Variants in WLS observed in about 807,000 individuals in gnomAD.
The protein encoded by WLS is Wnt ligand secretion mediator, also known as protein wntless homolog.
A neutral mutation model predicts 62.8 loss-of-function variants in WLS; 23 were observed. The observed-to-expected ratio is 0.37, with a 90% confidence interval of 0.26 to 0.52. The LOEUF (loss-of-function observed/expected upper bound fraction) is 0.52. Among genes scored for constraint, WLS ranks in the 20% least tolerant of loss-of-function variants. The pLI, the probability that WLS is intolerant of heterozygous loss-of-function variation, is 0.92. For synonymous variants in WLS, 246 were observed against 244.1 expected, an observed-to-expected ratio of 1.01 and a Z score of -0.07; for missense variants, 615 against 697.3, an observed-to-expected ratio of 0.88 and a Z score of 1.33.
At chr1:68,175,855 C>T (rs553955991) in intron 2 of WLS, among the ~76,000 whole-genome samples, 7 of 152,320 alleles carry the variant, frequency 4.6e-5, no homozygotes, top group Admixed American at 2.6e-4. Flanking sequence ...AATGGTAACA[C>T]CCCTAACCCG....
chr1:68,104,276 TGA>T (rs1451847165), intron 11 of WLS, among the ~76,000 whole-genome samples: 1 of 152,174 alleles, frequency 6.6e-6, no homozygotes, highest in African/African-American at 2.4e-5. Flanking sequence ...AAAATGGTTC[TGA>T]GAATCATCAC....
In WLS at chr1:68,126,272, C is replaced by G; in HGVS notation, c.1580G>C (p.Gly527Ala). 6.2e-7 allele frequency: 1 copy of G among 1,612,966 alleles called. No individual in the cohort carries two copies. Among genetic ancestry groups the G allele is most frequent in the Non-Finnish European group, 8.5e-7 (1 of 1,179,660 alleles). The change falls in exon 12 of 12, where the codon GGA (glycine) becomes GCA (alanine). Residue 527 changes from glycine to alanine, a missense_variant. Coordinates refer to ENST00000262348, the MANE Select transcript of WLS (RefSeq NM_024911.7). ...QLTTTITHVD[G>A]PTEIYKLTRK... ...GGTCAACTTGTAGATCTCAGTGGGT[C>G]CGTCCACATGGGTGATAGTGGTGGT... is the stretch of plus-strand genomic sequence containing the variant.
intron 11 of WLS, chr1:68,127,163 C>T (rs186778609): frequency 3.1e-6 from 1 of 325,784 alleles, no homozygotes; most frequent in Non-Finnish European, 6.2e-6. Flanking sequence ...CCACTCACTC[C>T]AGCCTGGGTG....
chr1:68,120,694 CTG>C (rs746624063), downstream of WLS, among the ~76,000 whole-genome samples: 61 of 150,686 alleles, frequency 4.0e-4, 1 homozygote, highest in African/African-American at 1.1e-3. Flanking sequence ...CTGTTAAGTT[CTG>C]TGTGTGTGTG....
At chr1:68,231,928 A>G (rs571122168) in intron 1 of WLS, 3 of 494,296 alleles carry the variant, frequency 6.1e-6, no homozygotes, top group African/African-American at 5.9e-5. Flanking sequence ...GCCATGCTTA[A>G]GATTCCCACC....
At position 68,125,362 on chromosome 1, in the gene WLS, A is replaced by G; in HGVS notation, c.*864T>C. 1.0e-6 allele frequency: 1 copy of G among 985,434 alleles called. No individual in the cohort carries two copies. The highest frequency in any genetic ancestry group is 1.2e-6 in the Non-Finnish European group (1 of 829,944). 61.0% of individuals were successfully genotyped at this position (985,434 alleles called of 1,614,324 possible). ...AAAATAATCTGCACGCATGTGTATG[A>G]GTTTTAGCAGGAGGGGATATGCATG... On this transcript the variant is annotated 3_prime_UTR_variant, in exon 12 of 12. Transcript: ENST00000262348.
intron 1 of WLS, among the ~76,000 whole-genome samples, chr1:68,211,628 T>C (rs1649520675): frequency 6.6e-6 from 1 of 152,226 alleles, no homozygotes; most frequent in Non-Finnish European, 1.5e-5. Context: ...TTCCATTCAG[T>C]GATTGTTCTA....
At chr1:68,115,673 C>T (rs762634653) in intron 11 of WLS, among the ~76,000 whole-genome samples, 17 of 152,100 alleles carry the variant, frequency 1.1e-4, no homozygotes, top group Non-Finnish European at 2.4e-4. Context: ...GTTGCTTGGA[C>T]ATTTGTTATG....
intron 1 of WLS, among the ~76,000 whole-genome samples, chr1:68,228,774 T>G (rs1306909837): frequency 7.0e-6 from 1 of 142,554 alleles, no homozygotes; most frequent in African/African-American, 2.6e-5. Context: ...AGTTCTACTA[T>G]GTAAGATGTT....
At chr1:68,210,506 C>A (rs191443990) in intron 1 of WLS, among the ~76,000 whole-genome samples, 2 of 152,258 alleles carry the variant, frequency 1.3e-5, no homozygotes, top group East Asian at 3.9e-4. Context: ...TCGTAATGTT[C>A]CAACTGGATT....
intron 6 of WLS, among the ~76,000 whole-genome samples, chr1:68,149,450 C>T (rs1307188459): frequency 6.6e-6 from 1 of 152,180 alleles, no homozygotes; most frequent in Non-Finnish European, 1.5e-5. Flanking sequence ...TCACACTGCT[C>T]TCCTGGAAGG....
intron 11 of WLS, among the ~76,000 whole-genome samples, chr1:68,135,305 C>CTTTTTTTTTTTTTT (rs71581156): frequency 1.5e-5 from 1 of 66,762 alleles, no homozygotes; most frequent in African/African-American, 6.2e-5. Flanking sequence ...CCATGCCTGG[C>CTTTTTTTTTTTTTT]TTTTTTTTTT....
At chr1:68,102,074 C>T (rs1211519348) in intron 11 of WLS, among the ~76,000 whole-genome samples, 1 of 152,094 alleles carries the variant, frequency 6.6e-6, no homozygotes, top group African/African-American at 2.4e-5. Context: ...ACTTGTGTTT[C>T]CTGGGAAGCA....
intron 2 of WLS, among the ~76,000 whole-genome samples, chr1:68,170,232 C>A (rs1339739333): frequency 7.2e-6 from 1 of 138,900 alleles, no homozygotes; most frequent in African/African-American, 2.7e-5. Flanking sequence ...ATGGCACGAT[C>A]TCCGCTCACT....
chr1:68,138,205 C>T (rs1646638248), intron 10 of WLS: 4 of 399,864 alleles, frequency 1.0e-5, no homozygotes, highest in South Asian at 4.1e-5. Context: ...CTAAAAACAG[C>T]AATTCATTGC....
rs193085059 is a variant in WLS at position 68,110,504 on chromosome 1, C to G, written c.1511-11751G>C. On this transcript the variant is annotated intron_variant, in intron 11 of 11. Transcript: ENST00000354777. ...TAAAAAACCAAATGTCCAAGAAGAG[C>G]CAAGACATTCTGAGGACAAACAGGA... Among the ~76,000 whole-genome samples, 50 of 152,058 alleles carry G rather than the reference C, an allele frequency of 3.3e-4. No homozygotes were observed. In the East Asian group the frequency reaches 9.7e-3, roughly 29 times the overall value.
At chr1:68,121,494 C>T (rs1346678342), downstream of WLS, among the ~76,000 whole-genome samples, 1 of 152,120 alleles carries the variant, frequency 6.6e-6, no homozygotes, top group Non-Finnish European at 1.5e-5. Context: ...TTAGAAGGCC[C>T]CCCGATGTCA....
chr1:68,152,024 T>C (rs1646833278), intron 5 of WLS, among the ~76,000 whole-genome samples: 1 of 152,098 alleles, frequency 6.6e-6, no homozygotes, highest in Non-Finnish European at 1.5e-5. Flanking sequence ...TGGTGAGATT[T>C]CCTGGTGAGG....
chr1:68,148,477 C>A, intron 7 of WLS, 86 bp downstream of exon 7: 3 of 1,409,656 alleles, frequency 2.1e-6, no homozygotes, highest in Non-Finnish European at 3.0e-6. Flanking sequence ...GACCACCATT[C>A]TCCTTTTCAA....
Sources: allele counts gnomAD v4.1 joint callset (sites outside exome capture counted in the v4.1 genomes callset), GRCh38; gene constraint gnomAD v4.1.1; transcripts MANE v1.5; gene names NCBI Gene and HGNC (gene_info 2026-07-23, HGNC 2026-07-21).